RBFOX1: variants seen among roughly 807,000 people sequenced by gnomAD.
RBFOX1 encodes the protein RNA binding protein fox-1 homolog 1.
In RBFOX1, 8 loss-of-function variants were observed where a neutral mutation model predicts 57.7. The observed-to-expected ratio is 0.14, with a 90% CI of 0.08 to 0.25. The LOEUF is 0.25. RBFOX1 is among the 10% of genes least tolerant of loss of function. The pLI is 1.00. For synonymous variants in RBFOX1, 326 were observed against 222.4 expected, an observed-to-expected ratio of 1.47 and a Z score of -4.15; for missense variants, 611 against 548.5, an observed-to-expected ratio of 1.11 and a Z score of -1.14.
chr16:5,294,428 C>A (rs1266898195), intron 1 of RBFOX1, among the ~76,000 whole-genome samples: 2 of 152,128 alleles, frequency 1.3e-5, no homozygotes, highest in Non-Finnish European at 2.9e-5. Context: ...TTACTTGTGT[C>A]CTTTTCTAGC....
intron 4 of RBFOX1, among the ~76,000 whole-genome samples, chr16:7,224,127 TAAAAAAAAAAAAAAAAA>T (rs1168449932): frequency 5.7e-5 from 3 of 52,256 alleles, no homozygotes; most frequent in African/African-American, 2.3e-4. Context: ...TTCCTTTTTC[TAAAAAAAAAAAAAAAAA>T]AAAAAAAAAA....
chr16:6,512,679 C>A (rs2096278944), intron 2 of RBFOX1, among the ~76,000 whole-genome samples: 1 of 152,178 alleles, frequency 6.6e-6, no homozygotes, highest in African/African-American at 2.4e-5. Flanking sequence ...GTTCAGTCCC[C>A]ACATGCTATG....
At chr16:7,516,828 A>T (rs1178866243) in intron 4 of RBFOX1, among the ~76,000 whole-genome samples, 1 of 152,128 alleles carries the variant, frequency 6.6e-6, no homozygotes, top group Non-Finnish European at 1.5e-5. Context: ...CTGCTCTGAG[A>T]ACAAACTTTT....
At chr16:6,761,500 CTTTTTTTTTT>C (rs869243278) in intron 3 of RBFOX1, among the ~76,000 whole-genome samples, 64 of 60,160 alleles carry the variant, frequency 1.1e-3, no homozygotes, top group African/African-American at 3.9e-3. Context: ...TCCCAATCTC[CTTTTTTTTTT>C]TTTTTTTTTT....
At chr16:7,116,616 G>T (rs1220702407) in intron 4 of RBFOX1, among the ~76,000 whole-genome samples, 1 of 152,170 alleles carries the variant, frequency 6.6e-6, no homozygotes, top group African/African-American at 2.4e-5. Flanking sequence ...GCCCACAGCA[G>T]CTGTCCAGGG....
chr16:6,809,161 G>C (rs77957475), intron 3 of RBFOX1, among the ~76,000 whole-genome samples: 4,716 of 152,266 alleles, frequency 0.031, 237 homozygotes, highest in African/African-American at 0.11. Flanking sequence ...GCTGATTTCT[G>C]TAAGTCATTT....
rs1383327108 is a variant in RBFOX1, at chr16:5,795,217, C to T, written c.319-72086C>T. On this transcript the variant is annotated intron_variant, in intron 3 of 19. Transcript: ENST00000641259. ...TGATTCTACGTCAGTTTCATATCCCCCCTCTCCCTATTACTATGCCCAGTG... is the reference window on the plus strand; with the variant it reads ...TGATTCTACGTCAGTTTCATATCCCTCCTCTCCCTATTACTATGCCCAGTG... Among the ~76,000 whole-genome samples the T allele has an allele frequency of 3.9e-5, 6 of 152,260 alleles. No homozygotes were observed. The East Asian group carries it at 1.2e-3, about 29-fold the overall frequency.
chr16:7,068,376 A>C (rs912719683), intron 4 of RBFOX1, among the ~76,000 whole-genome samples: 1 of 152,126 alleles, frequency 6.6e-6, no homozygotes, highest in African/African-American at 2.4e-5. Flanking sequence ...TAAAATATAG[A>C]AAGTCAGAGA....
chr16:5,677,739 G>C (rs1357225548), intron 3 of RBFOX1, among the ~76,000 whole-genome samples: 1 of 152,194 alleles, frequency 6.6e-6, no homozygotes, highest in Non-Finnish European at 1.5e-5. Context: ...AAGGTGAGTA[G>C]CAGTTAGCTA....
intron 5 of RBFOX1, among the ~76,000 whole-genome samples, chr16:7,573,774 G>A (rs528282401): frequency 6.6e-6 from 1 of 151,918 alleles, no homozygotes; most frequent in South Asian, 2.1e-4. Context: ...GGCAGAGGTT[G>A]CAGTGAGGTA....
chr16:5,775,512 T>C (rs554602329), intron 3 of RBFOX1, among the ~76,000 whole-genome samples: 2 of 152,278 alleles, frequency 1.3e-5, no homozygotes, highest in African/African-American at 4.8e-5. Flanking sequence ...TCACAAATGA[T>C]AAAAATTAAG....
At chr16:5,394,633 C>T (rs555317884) in intron 1 of RBFOX1, among the ~76,000 whole-genome samples, 32 of 148,260 alleles carry the variant, frequency 2.2e-4, no homozygotes, top group African/African-American at 8.0e-4. Flanking sequence ...ACAGTCATGG[C>T]TCGCTGCATT....
intron 3 of RBFOX1, among the ~76,000 whole-genome samples, chr16:5,816,706 C>T (rs1291998045): frequency 6.6e-6 from 1 of 152,108 alleles, no homozygotes; most frequent in Admixed American, 6.6e-5. Context: ...ATTGTTTGAG[C>T]CTGGGAGGCT....
chr16:6,879,516 G>C (rs554280129), intron 3 of RBFOX1, among the ~76,000 whole-genome samples: 5 of 152,096 alleles, frequency 3.3e-5, no homozygotes, highest in African/African-American at 9.7e-5. Flanking sequence ...AAACTTACTT[G>C]CTACAAAGTT....
At chr16:7,064,932 T>C (rs532894778) in intron 4 of RBFOX1, among the ~76,000 whole-genome samples, 24 of 152,202 alleles carry the variant, frequency 1.6e-4, no homozygotes, top group Non-Finnish European at 3.1e-4. Context: ...ACTTAAAAAA[T>C]AGTGGACTCC....
At chr16:7,175,648 C>A (rs979776649) in intron 4 of RBFOX1, among the ~76,000 whole-genome samples, 1 of 152,324 alleles carries the variant, frequency 6.6e-6, no homozygotes, top group African/African-American at 2.4e-5. Flanking sequence ...CAGCTGTGTG[C>A]CTCCAGTGTG....
chr16:6,231,057 A>G lies in RBFOX1; in HGVS notation c.-126-85938A>G, dbSNP rs145974103. Among the ~76,000 whole-genome samples, 195 of 152,316 alleles carry G rather than the reference A, an allele frequency of 1.3e-3. 2 individuals carry two copies. The East Asian group carries it at 0.034, about 27-fold the overall frequency. On this transcript the variant is annotated intron_variant, in intron 1 of 15. Transcript: ENST00000550418. ...TAGGTATGAAATAGACTATCCAGATAGAAACTAATTAAAGAAGGGTCTATT... is the reference window on the plus strand; with the variant it reads ...TAGGTATGAAATAGACTATCCAGATGGAAACTAATTAAAGAAGGGTCTATT...
At chr16:7,162,155 C>G (rs912815155) in intron 4 of RBFOX1, among the ~76,000 whole-genome samples, 6 of 152,114 alleles carry the variant, frequency 3.9e-5, no homozygotes, top group African/African-American at 1.4e-4. Context: ...AGTGCTTTTC[C>G]CTTTAGCTGA....
intron 3 of RBFOX1, among the ~76,000 whole-genome samples, chr16:5,632,846 G>A (rs530409879): frequency 6.6e-6 from 1 of 151,872 alleles, no homozygotes; most frequent in African/African-American, 2.4e-5. Context: ...GCAGCACACA[G>A]AATTTCCGTA....
Sources: gnomAD v4.1 joint callset for allele counts (sites outside exome capture counted in the v4.1 genomes callset) on GRCh38, gnomAD v4.1.1 for gene constraint, MANE v1.5 for transcripts, NCBI Gene and HGNC (gene_info 2026-07-23, HGNC 2026-07-21) for gene names.